The following PTPRC variants were observed in gnomAD, a reference collection of about 807,000 sequenced individuals.
PTPRC encodes the protein receptor-type tyrosine-protein phosphatase C.
Under a neutral mutation model 155.9 loss-of-function variants are expected in PTPRC, and 44 were observed. That is an observed-to-expected ratio of 0.28 (90% CI 0.22 to 0.36). PTPRC has a LOEUF of 0.36. Among genes scored for constraint, PTPRC ranks in the 10% least tolerant of loss-of-function variants. The pLI is 1.00. For missense variants in PTPRC, 1,401 were observed against 1,564.6 expected (o/e 0.90, Z 1.76); for synonymous variants, 525 against 533.1 (o/e 0.98, Z 0.21).
intron 11 of PTPRC, 85 bp from the exon 12 acceptor site, chr1:198,712,868 A>G (rs1198363165): frequency 7.4e-6 from 10 of 1,356,030 alleles, no homozygotes; most frequent in African/African-American, 1.4e-5. Context: ...AAATATGGTT[A>G]TCAATAATGC....
At chr1:198,657,803 G>GA (rs1453745442) in intron 2 of PTPRC, 1 of 152,056 alleles carries the variant, frequency 6.6e-6, no homozygotes, top group East Asian at 1.9e-4. Flanking sequence ...GTTCATCTTT[G>GA]AATGTCTCTG....
chr1:198,723,892 A>G (rs1654006820), intron 15 of PTPRC, among the ~76,000 whole-genome samples: 1 of 152,226 alleles, frequency 6.6e-6, no homozygotes, highest in East Asian at 1.9e-4. Flanking sequence ...AGTATCTCTT[A>G]TACTATTTCC....
At chr1:198,742,507 T>C in intron 25 of PTPRC, 140 bp downstream of exon 25, 1 of 1,084,782 alleles carries the variant, frequency 9.2e-7, no homozygotes, top group Non-Finnish European at 1.3e-6. Flanking sequence ...AACTAAAACG[T>C]GGTAATCACC....
intron 2 of PTPRC, among the ~76,000 whole-genome samples, chr1:198,656,770 C>T (rs1442976670): frequency 1.3e-5 from 2 of 150,652 alleles, no homozygotes; most frequent in Admixed American, 1.3e-4. Context: ...AACAAGGAAA[C>T]TTTAGTTGCT....
chr1:198,711,530 A>G (rs1305064043), intron 11 of PTPRC, among the ~76,000 whole-genome samples: 1 of 152,228 alleles, frequency 6.6e-6, no homozygotes, highest in Non-Finnish European at 1.5e-5. Flanking sequence ...AATTTAAAAA[A>G]TTCTAATCAA....
At chr1:198,755,112 A>C (rs1252617746) in intron 32 of PTPRC, among the ~76,000 whole-genome samples, 5 of 152,130 alleles carry the variant, frequency 3.3e-5, no homozygotes, top group African/African-American at 1.2e-4. Context: ...TAGCCAAATA[A>C]ATAAGTCATA....
At chr1:198,713,723 G>T (rs758817962) in intron 12 of PTPRC, among the ~76,000 whole-genome samples, 9 of 152,178 alleles carry the variant, frequency 5.9e-5, no homozygotes, top group Non-Finnish European at 8.8e-5. Flanking sequence ...TTTGTAGAAA[G>T]TAACATCAGT....
chr1:198,710,052 T>G (rs967517714), intron 11 of PTPRC, among the ~76,000 whole-genome samples: 1 of 152,196 alleles, frequency 6.6e-6, no homozygotes, highest in African/African-American at 2.4e-5. Context: ...TATCCATATG[T>G]TTTGTTCTAA....
chr1:198,651,322 G>GTC (rs1491348362), intron 2 of PTPRC, among the ~76,000 whole-genome samples: 1 of 149,324 alleles, frequency 6.7e-6, no homozygotes, highest in Non-Finnish European at 1.5e-5. Flanking sequence ...GTGTGTGTGT[G>GTC]TATTGGTTAA....
At chr1:198,698,908 TCCAG>T (rs1666333887) in intron 4 of PTPRC, among the ~76,000 whole-genome samples, 3 of 152,196 alleles carry the variant, frequency 2.0e-5, no homozygotes, top group Non-Finnish European at 4.4e-5. Context: ...TTGTATATCC[TCCAG>T]GCTCTCAACA....
intron 2 of PTPRC, among the ~76,000 whole-genome samples, chr1:198,686,020 G>A (rs546279142): frequency 2.0e-5 from 3 of 151,756 alleles, no homozygotes; most frequent in East Asian, 1.9e-4. Flanking sequence ...TTGAAATGCC[G>A]TTTTCACTCA....
chr1:198,687,862 TAAA>T (rs1665717715), intron 2 of PTPRC, among the ~76,000 whole-genome samples: 1 of 152,196 alleles, frequency 6.6e-6, no homozygotes, highest in Non-Finnish European at 1.5e-5. Flanking sequence ...GTTTTTAATT[TAAA>T]ATTTTTATTT....
At chr1:198,716,932 A>G (rs1276890475) in intron 13 of PTPRC, 92 bp downstream of exon 13, 28 of 1,236,222 alleles carry the variant, frequency 2.3e-5, no homozygotes, top group Non-Finnish European at 3.2e-5. Context: ...TTATTCTAGC[A>G]AGCACATTTA....
chr1:198,706,343 G>A (rs974255472), intron 8 of PTPRC, among the ~76,000 whole-genome samples: 4 of 152,088 alleles, frequency 2.6e-5, no homozygotes, highest in African/African-American at 9.7e-5. Context: ...TATAAAGCAA[G>A]AATAAATTTC....
chr1:198,665,637 T>C (rs1330687928), intron 2 of PTPRC, among the ~76,000 whole-genome samples: 1 of 152,224 alleles, frequency 6.6e-6, no homozygotes, highest in Non-Finnish European at 1.5e-5. Context: ...TGCAGTTATA[T>C]GTTTCCAAGA....
intron 2 of PTPRC, among the ~76,000 whole-genome samples, chr1:198,662,352 A>C (rs1016036847): frequency 3.3e-5 from 5 of 152,022 alleles, no homozygotes; most frequent in African/African-American, 1.2e-4. Flanking sequence ...TAGGCAATTT[A>C]TTTGAGATTA....
At chr1:198,703,426 G>A in intron 7 of PTPRC, 54 bp downstream of exon 7, 1 of 1,606,830 alleles carries the variant, frequency 6.2e-7, no homozygotes, top group Non-Finnish European at 8.5e-7. Flanking sequence ...CTGGTGATGT[G>A]CTCTCACAAG....
Position 198,688,701 on chromosome 1 carries a change from C to A in PTPRC, c.74-3646C>A, listed in dbSNP as rs1170670441. Among the ~76,000 whole-genome samples the A allele has an allele frequency of 2.6e-5, 4 of 152,194 alleles. No homozygotes were observed. In the East Asian group the frequency reaches 5.8e-4, roughly 22 times the overall value. On this transcript the variant is annotated intron_variant, in intron 2 of 32. Coordinates refer to ENST00000442510, the MANE Select transcript of PTPRC (RefSeq NM_002838.5). ...TGTAGCACTACTAGTAATTTACTTG[C>A]AGCCAAATTATGATTAAGATGCATT...
intron 12 of PTPRC, among the ~76,000 whole-genome samples, chr1:198,715,038 T>A (rs75963270): frequency 0.017 from 2,663 of 152,258 alleles, 47 homozygotes; most frequent in Non-Finnish European, 0.027. Flanking sequence ...ATCTTCATAG[T>A]TCATATGATG....
Sources: gnomAD v4.1 joint callset for allele counts (sites outside exome capture counted in the v4.1 genomes callset) on GRCh38, gnomAD v4.1.1 for gene constraint, MANE v1.5 for transcripts, NCBI Gene and HGNC (gene_info 2026-07-23, HGNC 2026-07-21) for gene names.